Variants in MFHAS1 observed in about 807,000 individuals in gnomAD.
MFHAS1 encodes the protein multifunctional ROCO family signaling regulator 1, also known as malignant fibrous histiocytoma-amplified sequence 1.
In MFHAS1, 50 loss-of-function variants were observed where a neutral mutation model predicts 70.4. That is an observed-to-expected ratio of 0.71 (90% CI 0.57 to 0.90). The LOEUF (loss-of-function observed/expected upper bound fraction) is 0.90, where lower values mean the gene tolerates loss of function less well. Among genes scored for constraint, MFHAS1 ranks in the 40% least tolerant of loss-of-function variants. MFHAS1 has a pLI of 0.00. For synonymous variants in MFHAS1, 952 were observed against 620.0 expected (o/e 1.54, Z -7.96); for missense variants, 1,795 against 1,347.6 (o/e 1.33, Z -5.20).
intron 1 of MFHAS1, among the ~76,000 whole-genome samples, chr8:8,804,733 C>G (rs904112935): frequency 6.6e-6 from 1 of 152,220 alleles, no homozygotes; most frequent in Non-Finnish European, 1.5e-5. Context: ...TTCTGCGACT[C>G]ACACAATGGT....
chr8:8,862,009 T>C (rs1354529948), intron 1 of MFHAS1, among the ~76,000 whole-genome samples: 1 of 152,040 alleles, frequency 6.6e-6, no homozygotes, highest in African/African-American at 2.4e-5. Flanking sequence ...TTGTGTATCT[T>C]TTTAAAATGT....
rs1186363747 is a variant in MFHAS1 at position 8,784,490 on chromosome 8, G to C, written c.*1532C>G. ...ATCATTCTCTGAACTGCAGGTTCTG[G>C]AGTCAGTGAAATTAATGCCTGGGGC... is the stretch of plus-strand genomic sequence containing the variant. On this transcript the variant is annotated 3_prime_UTR_variant, in exon 3 of 3. Transcript: ENST00000276282. 1.3e-5 allele frequency: 2 copies of C among 152,174 alleles called. No homozygotes were observed. The highest frequency in any genetic ancestry group is 6.6e-5 in the Admixed American group (1 of 15,264). 9.4% of individuals were successfully genotyped at this position (152,174 alleles called of 1,614,324 possible). A position where few individuals can be genotyped will look rare whatever the true frequency, so the allele number is the denominator to read the frequency against.
At chr8:8,836,141 T>C (rs1467396885) in intron 1 of MFHAS1, among the ~76,000 whole-genome samples, 2 of 152,148 alleles carry the variant, frequency 1.3e-5, no homozygotes, top group Admixed American at 1.3e-4. Context: ...AACACCTCAG[T>C]GATGTTATTT....
At chr8:8,846,453 C>T (rs1808043194) in intron 1 of MFHAS1, among the ~76,000 whole-genome samples, 2 of 152,038 alleles carry the variant, frequency 1.3e-5, no homozygotes, top group Non-Finnish European at 2.9e-5. Flanking sequence ...GCCCAAACTA[C>T]TGCAAAAGTC....
rs898200434 is a variant in MFHAS1, at chr8:8,818,411, A to C, written c.2999-20920T>G. On this transcript the variant is annotated intron_variant, in intron 1 of 2. Coordinates refer to ENST00000276282, the MANE Select transcript of MFHAS1 (RefSeq NM_004225.3). ...AGATCCTTCACAAAGCAAGAGCTACAGAGATTTCTATTTTTCTACGAGGAA... is the reference window on the plus strand; with the variant it reads ...AGATCCTTCACAAAGCAAGAGCTACCGAGATTTCTATTTTTCTACGAGGAA... Among the ~76,000 whole-genome samples, 3 of 152,328 alleles carry C rather than the reference A, an allele frequency of 2.0e-5. No homozygotes were observed. In the South Asian group the frequency reaches 6.2e-4, roughly 32 times the overall value.
chr8:8,822,320 T>C (rs1585034969), intron 1 of MFHAS1, among the ~76,000 whole-genome samples: 1 of 152,022 alleles, frequency 6.6e-6, no homozygotes, highest in South Asian at 2.1e-4. Context: ...GAGAGGAAAA[T>C]GGAGCGAGTC....
chr8:8,786,886 C>T (rs867628858), intron 2 of MFHAS1, among the ~76,000 whole-genome samples: 120 of 152,034 alleles, frequency 7.9e-4, no homozygotes, highest in African/African-American at 2.8e-3. Flanking sequence ...CAGTCATGGG[C>T]TCATTCAAGC....
In MFHAS1 at chr8:8,798,845, G is replaced by A. The variant is rs368736724; in HGVS notation, c.2999-1354C>T. Among the ~76,000 whole-genome samples, 118 of 152,054 alleles carry A rather than the reference G, an allele frequency of 7.8e-4. No homozygotes were observed. The East Asian group carries it at 0.013, about 16-fold the overall frequency. ...AGGTGGATCACAAGGTCAGGAGTTC[G>A]AGACCAGCCTGGCCAATAAGGTGAA... On this transcript the variant is annotated intron_variant, in intron 1 of 2. Transcript: ENST00000276282.
chr8:8,866,306 C>T (rs926547474), intron 1 of MFHAS1, among the ~76,000 whole-genome samples: 6 of 150,834 alleles, frequency 4.0e-5, no homozygotes, highest in African/African-American at 1.5e-4. Context: ...TAGCAAGGAT[C>T]ACTTCTTTTT....
chr8:8,822,263 G>A (rs1806983792), intron 1 of MFHAS1: 1 of 152,534 alleles, frequency 6.6e-6, no homozygotes, highest in African/African-American at 2.4e-5. Flanking sequence ...AGAGGCTGGG[G>A]CGGTCATTTG....
chr8:8,827,468 A>G (rs1807205768), intron 1 of MFHAS1, among the ~76,000 whole-genome samples: 1 of 152,248 alleles, frequency 6.6e-6, no homozygotes, highest in African/African-American at 2.4e-5. Context: ...ACAGATGAAA[A>G]CAATGAGACC....
chr8:8,887,870 A>C (rs917563094), intron 1 of MFHAS1, among the ~76,000 whole-genome samples: 1 of 150,904 alleles, frequency 6.6e-6, no homozygotes, highest in Non-Finnish European at 1.5e-5. Flanking sequence ...AAAAAAAAAA[A>C]AAAAAAAACC....
Position 8,783,802 on chromosome 8 carries a change from T to A in MFHAS1, c.*2220A>T, listed in dbSNP as rs1485770725. ...GAAAGAGAAAACGGAATTTCTTGCA[T>A]AGACAGCTGAAGAGTCCTGTAGAGC... On this transcript the variant is annotated 3_prime_UTR_variant, in exon 3 of 3. Transcript: ENST00000276282. 6.6e-6 allele frequency: 1 copy of A among 152,156 alleles called. No individual in the cohort carries two copies. The highest frequency in any genetic ancestry group is 2.4e-5 in the African/African-American group (1 of 41,428). 9.4% of individuals were successfully genotyped at this position (152,156 alleles called of 1,614,324 possible).
Position 8,892,156 on chromosome 8 carries a change from G to C in MFHAS1, c.903C>G (p.Leu301=), listed in dbSNP as rs2116956307. ...AGGTGAGCTGGTTGCGACTAAGGTA[G>C]AGCTCCTCCAGACCAGCCAGGGGCA... ...ALLPLAGLEE[L]YLSRNQLTSV... is the part of the protein sequence containing the mutation. Residue 301 remains leucine (L), a synonymous_variant, in exon 1 of 3, where the codon CTC becomes CTG. Coordinates refer to ENST00000276282, the MANE Select transcript of MFHAS1 (RefSeq NM_004225.3). This position sits in a 1 kb window ranked among gnomAD's most constrained non-coding sequence, Gnocchi z 4.7. 6.2e-7 allele frequency: 1 copy of C among 1,611,218 alleles called. No homozygotes were observed. The highest frequency in any genetic ancestry group is 8.5e-7 in the Non-Finnish European group (1 of 1,180,002).
chr8:8,834,083 G>A (rs1327051846), intron 1 of MFHAS1, among the ~76,000 whole-genome samples: 2 of 151,798 alleles, frequency 1.3e-5, no homozygotes, highest in Non-Finnish European at 2.9e-5. Context: ...CCAAGATCGT[G>A]CCACTGCACT....
chr8:8,856,980 G>GGAA (rs1491415848), intron 1 of MFHAS1, among the ~76,000 whole-genome samples: 7 of 53,396 alleles, frequency 1.3e-4, no homozygotes, highest in South Asian at 1.0e-3. Flanking sequence ...TCAGGAAAGT[G>GGAA]AAAAAAAAAA....
In MFHAS1 at chr8:8,819,625, A is replaced by G. The variant is rs1330897387; in HGVS notation, c.2999-22134T>C. Among the ~76,000 whole-genome samples, 5 of 151,968 alleles carry G rather than the reference A, an allele frequency of 3.3e-5. No individual in the cohort carries two copies. The East Asian group carries it at 9.6e-4, about 29-fold the overall frequency. ...ACTCAAAACAAAAAAAAAAAAAAAA[A>G]AGAATATCCAAGAATCTGGCCAAAG... On this transcript the variant is annotated intron_variant, in intron 1 of 2. Transcript: ENST00000276282.
intron 1 of MFHAS1, among the ~76,000 whole-genome samples, chr8:8,868,894 A>T (rs902287732): frequency 2.6e-5 from 4 of 152,214 alleles, no homozygotes; most frequent in Admixed American, 6.5e-5. Context: ...GAAAAAAAAG[A>T]CATTCTCTGC....
At chr8:8,882,433 A>G (rs1351005545) in intron 1 of MFHAS1, among the ~76,000 whole-genome samples, 2 of 151,886 alleles carry the variant, frequency 1.3e-5, no homozygotes, top group African/African-American at 4.8e-5. Context: ...TAAACAACCA[A>G]AAAAGCACTT....
Sources: gnomAD v4.1 joint callset for allele counts (sites outside exome capture counted in the v4.1 genomes callset) on GRCh38, gnomAD v4.1.1 for gene constraint, Gnocchi (gnomAD v3.1) non-coding constraint, MANE v1.5 for transcripts, NCBI Gene and HGNC (gene_info 2026-07-23, HGNC 2026-07-21) for gene names.